Variants in SLC7A9 observed in about 807,000 individuals in gnomAD.
SLC7A9 encodes the protein B(0,+)-type amino acid transporter 1.
SLC7A9 carries 38 observed loss-of-function variants against 54.1 expected under a neutral mutation model. That is an observed-to-expected ratio of 0.70 (90% CI 0.54 to 0.92). The LOEUF is 0.92. Ranked by LOEUF, SLC7A9 falls within the 40% of genes least tolerant of loss-of-function variation. SLC7A9 has a pLI of 0.00. For missense variants in SLC7A9, 537 were observed against 636.1 expected, an observed-to-expected ratio of 0.84 and a Z score of 1.68; for synonymous variants, 264 against 258.9, an observed-to-expected ratio of 1.02 and a Z score of -0.19.
At position 32,857,106 on chromosome 19, in the gene SLC7A9, C is replaced by T. The variant is rs530205939; in HGVS notation, c.977+1334G>A. Among the ~76,000 whole-genome samples the T allele has an allele frequency of 5.9e-5, 9 of 152,030 alleles. No homozygotes were observed. The South Asian group carries it at 1.7e-3, about 28-fold the overall frequency. ...CGGAGACTGCAGTGAGGCGAGATCA[C>T]ACCACTGCACTCCAGCCTGGGTGAC... On this transcript the variant is annotated intron_variant, in intron 9 of 12. Transcript: ENST00000023064.
At chr19:32,846,269 CAAAG>C (rs1968290099) in intron 9 of SLC7A9, among the ~76,000 whole-genome samples, 1 of 145,748 alleles carries the variant, frequency 6.9e-6, no homozygotes, top group South Asian at 2.2e-4. Context: ...CTTTCCTAGT[CAAAG>C]AAAGGGGTGA....
chr19:32,867,173 G>A (rs10422993), intron 2 of SLC7A9, among the ~76,000 whole-genome samples: 2,520 of 152,234 alleles, frequency 0.017, 79 homozygotes, highest in African/African-American at 0.058. Flanking sequence ...TCAGATATAA[G>A]GAGGACAGGC....
rs746181158 is a variant in SLC7A9, at chr19:32,859,940, G to A, written c.774C>T (p.Ile258=). ...AGCACGCCGTCACCAGGGGGATCCC[G>A]ATGATAATGGCCAAAGGCAGGTTTC... ...PYRNLPLAII[I]GIPLVTACYI... is the part of the protein sequence containing the mutation. Residue 258 remains isoleucine, a synonymous_variant, in exon 8 of 13, where the codon ATC becomes ATT. Transcript: ENST00000023064. 4 of 1,614,172 alleles carry A rather than the reference G, an allele frequency of 2.5e-6. No individual in the cohort carries two copies. The highest frequency in any genetic ancestry group is 4.5e-5 in the East Asian group (2 of 44,872).
rs4588103 is a variant in SLC7A9 at position 32,861,864 on chromosome 19, G to A, written c.704+254C>T. On this transcript the variant is annotated intron_variant, in intron 6 of 12. Transcript: ENST00000023064. The stretch of plus-strand genomic sequence containing the variant: ...GAAAACCTGAGCTTGGGCCCTGGCT[G>A]CCTCTGATTTGGCTGAGCCTGTGTT... Among the ~76,000 whole-genome samples the A allele has an allele frequency of 0.21, 32,640 of 151,970 alleles. 3,670 individuals are homozygous for A. Among genetic ancestry groups the A allele is most frequent in the African/African-American group, 0.27 (11,046 of 41,440 alleles).
At chr19:32,845,839 C>G (rs967249469) in intron 9 of SLC7A9, among the ~76,000 whole-genome samples, 1 of 152,140 alleles carries the variant, frequency 6.6e-6, no homozygotes, top group Non-Finnish European at 1.5e-5. Flanking sequence ...GAAACCCCCT[C>G]TCTCCTAAAA....
At chr19:32,863,679 A>C (rs1157261468) in intron 4 of SLC7A9, among the ~76,000 whole-genome samples, 1 of 152,130 alleles carries the variant, frequency 6.6e-6, no homozygotes, top group East Asian at 1.9e-4. Context: ...CTCCCCCACC[A>C]GCCACCATAT....
chr19:32,856,485 TGCCCA>T (rs1349338671), intron 9 of SLC7A9, among the ~76,000 whole-genome samples: 7 of 152,168 alleles, frequency 4.6e-5, no homozygotes, highest in African/African-American at 1.7e-4. Context: ...TGAGCCACCA[TGCCCA>T]GCCAGTGAAT....
chr19:32,840,842 G>A (rs1257531497), intron 11 of SLC7A9, among the ~76,000 whole-genome samples: 1 of 152,140 alleles, frequency 6.6e-6, no homozygotes, highest in Non-Finnish European at 1.5e-5. Flanking sequence ...GGGAACACAT[G>A]GTGCTGGAGT....
intron 2 of SLC7A9, among the ~76,000 whole-genome samples, chr19:32,866,012 C>G (rs978130480): frequency 1.3e-5 from 2 of 151,090 alleles, no homozygotes; most frequent in African/African-American, 4.9e-5. Flanking sequence ...ACACACCAAT[C>G]AAGGAGGAAA....
chr19:32,862,062 A>T, intron 6 of SLC7A9, 56 bp downstream of exon 6: 1 of 1,117,538 alleles, frequency 8.9e-7, no homozygotes, highest in Non-Finnish European at 1.4e-6. Context: ...GTGGAGTTAA[A>T]GTCACCTGGA....
chr19:32,845,691 C>A (rs1968267728), intron 9 of SLC7A9, among the ~76,000 whole-genome samples: 1 of 152,084 alleles, frequency 6.6e-6, no homozygotes, highest in Non-Finnish European at 1.5e-5. Context: ...TATCAGTGAG[C>A]CACGAAGGTC....
rs1368785155 is a variant in SLC7A9, at chr19:32,863,980, C to G, written c.478+116G>C. 27 of 1,535,132 alleles carry G rather than the reference C, an allele frequency of 1.8e-5. No homozygotes were observed. The Admixed American group carries it at 4.5e-4, about 26-fold the overall frequency. On this transcript the variant is annotated intron_variant, in intron 4 of 12. Coordinates refer to ENST00000023064, the MANE Select transcript of SLC7A9 (RefSeq NM_014270.5). The stretch of plus-strand genomic sequence containing the variant: ...CCCACAGGTACTGCAAAGGCTGATG[C>G]CAGGCCCTGCCTGGGCTCTCACCAG...
chr19:32,859,435 C>G (rs528971307), intron 8 of SLC7A9, among the ~76,000 whole-genome samples: 3 of 152,118 alleles, frequency 2.0e-5, no homozygotes, highest in Non-Finnish European at 4.4e-5. Context: ...AAATCCCCAA[C>G]ACGTGGTTGT....
intron 9 of SLC7A9, among the ~76,000 whole-genome samples, chr19:32,851,958 G>A (rs1278611012): frequency 1.3e-5 from 2 of 151,984 alleles, no homozygotes; most frequent in African/African-American, 4.8e-5. Flanking sequence ...ACTCATAGGT[G>A]GGAATTGAAC....
intron 4 of SLC7A9, among the ~76,000 whole-genome samples, chr19:32,863,562 T>G (rs1376323393): frequency 3.9e-5 from 6 of 152,050 alleles, no homozygotes; most frequent in Non-Finnish European, 7.4e-5. Context: ...GTTCTCACTG[T>G]GTTGACCAGG....
At chr19:32,857,960 C>T (rs955997325) in intron 9 of SLC7A9, among the ~76,000 whole-genome samples, 1 of 152,114 alleles carries the variant, frequency 6.6e-6, no homozygotes, top group Non-Finnish European at 1.5e-5. Flanking sequence ...CCATCTGGCC[C>T]TTTAAGGGAA....
At chr19:32,838,716 A>C (rs973364460) in intron 11 of SLC7A9, among the ~76,000 whole-genome samples, 2 of 148,174 alleles carry the variant, frequency 1.3e-5, no homozygotes, top group South Asian at 2.1e-4. Flanking sequence ...TTATATGTAT[A>C]TGTATTTGTA....
At chr19:32,841,523 T>C (rs1447434780) in intron 11 of SLC7A9, among the ~76,000 whole-genome samples, 1 of 151,806 alleles carries the variant, frequency 6.6e-6, no homozygotes, top group Non-Finnish European at 1.5e-5. Flanking sequence ...CCCAGGAGTT[T>C]GTGACCAGCC....
At chr19:32,868,099 C>T (rs558666476) in intron 2 of SLC7A9, among the ~76,000 whole-genome samples, 2 of 151,264 alleles carry the variant, frequency 1.3e-5, no homozygotes, top group African/African-American at 4.9e-5. Flanking sequence ...GGTATGGTGG[C>T]GGGTGCTTGT....
Sources: gnomAD v4.1 joint callset for allele counts (sites outside exome capture counted in the v4.1 genomes callset) on GRCh38, gnomAD v4.1.1 for gene constraint, MANE v1.5 for transcripts, NCBI Gene and HGNC (gene_info 2026-07-23, HGNC 2026-07-21) for gene names.